SOHLH1: variants seen among roughly 807,000 people sequenced by gnomAD.
The protein encoded by SOHLH1 is spermatogenesis- and oogenesis-specific basic helix-loop-helix-containing protein 1.
In SOHLH1, 23 loss-of-function variants were observed where a neutral mutation model predicts 36.2. That is an observed-to-expected ratio of 0.64 (90% confidence interval 0.46 to 0.90). The LOEUF (loss-of-function observed/expected upper bound fraction) is 0.90. Among genes scored for constraint, SOHLH1 ranks in the 40% least tolerant of loss-of-function variants. The probability of loss-of-function intolerance (pLI) is 0.00; values close to 1 mark genes in which losing one functional copy is unlikely to be tolerated. For synonymous variants in SOHLH1, 289 were observed against 228.3 expected (o/e 1.27, Z -2.40); for missense variants, 608 against 517.0 (o/e 1.18, Z -1.71).
chr9:135,695,033 A>T lies in SOHLH1; in HGVS notation c.875+17T>A, dbSNP rs974113886. On this transcript the variant is annotated intron_variant, in intron 6 of 7. Coordinates refer to ENST00000425225, the MANE Select transcript of SOHLH1 (RefSeq NM_001101677.2). ...CGCTCACGCACACACAGGCGTGCAC[A>T]CCACCTGGGCACTCACCCGGCCTCC... is the stretch of plus-strand genomic sequence containing the variant. 8 of 1,580,758 alleles carry T rather than the reference A, an allele frequency of 5.1e-6. No homozygotes were observed. Among genetic ancestry groups the T allele is most frequent in the Admixed American group, 3.5e-5 (2 of 56,926 alleles).
chr9:135,694,552 C>T (rs904300378), intron 6 of SOHLH1, 95 bp from the exon 7 acceptor site: 137 of 1,520,764 alleles, frequency 9.0e-5, no homozygotes, highest in Middle Eastern at 3.4e-4. Flanking sequence ...AAGGCAGCTT[C>T]GAATGCAAAG....
intron 3 of SOHLH1, 94 bp from the exon 4 acceptor site, chr9:135,697,721 G>C: frequency 1.4e-6 from 2 of 1,480,114 alleles, no homozygotes; most frequent in Admixed American, 1.8e-5. Context: ...GGGCCTGGAG[G>C]GTCACTGTGA....
At chr9:135,695,286 G>A (rs765653767) in intron 5 of SOHLH1, 23 bp from the exon 6 acceptor site, 22 of 1,571,750 alleles carry the variant, frequency 1.4e-5, no homozygotes, top group Admixed American at 1.9e-5. Context: ...TCAGATGCGG[G>A]TCAGCCTTCC....
At position 135,698,428 on chromosome 9, in the gene SOHLH1, C is replaced by A. The variant is rs369775842; in HGVS notation, c.246G>T (p.Gln82His). ...SCERLRALLPQFDGRREDMAS... is the reference protein window; with the variant it reads ...SCERLRALLPHFDGRREDMAS... ...CCATGTCCTCCCGCCGGCCATCGAA[C>A]TGGGGCAGCAGGGCCCGCAGACGCT... Residue 82 changes from glutamine (Q) to histidine (H), a missense_variant, in exon 3 of 8, where the codon CAG becomes CAT. Physicochemically the swap from Gln to His is conservative, Grantham distance 24. Coordinates refer to ENST00000425225, the MANE Select transcript of SOHLH1 (RefSeq NM_001101677.2). The A allele has an allele frequency of 6.2e-7, 1 of 1,613,222 alleles. No homozygotes were observed.
In SOHLH1 at chr9:135,698,995, C is replaced by T; in HGVS notation, c.197G>A (p.Arg66Lys). Residue 66 changes from arginine (R) to lysine (K), a missense_variant and splice_region_variant, in exon 2 of 8, where the codon AGG (arginine) becomes AAG (lysine). Arg to Lys is a conservative substitution (Grantham distance 26). Coordinates refer to ENST00000425225, the MANE Select transcript of SOHLH1 (RefSeq NM_001101677.2). ...ACCCCTGGGAGGCACCACCACTCAC[C>T]TGCGCTCCCTCTCGCTGATCACGTT... Reference protein sequence around the residue: ...RRNVISERERRKRMSLSCERL... With the variant: ...RRNVISERERKKRMSLSCERL... 6.2e-7 allele frequency: 1 copy of T among 1,611,462 alleles called. No individual in the cohort carries two copies. Among genetic ancestry groups the T allele is most frequent in the South Asian group, 1.1e-5 (1 of 91,022 alleles).
chr9:135,697,981 G>A lies in SOHLH1; in HGVS notation c.345+348C>T, dbSNP rs1171018439. The stretch of plus-strand genomic sequence containing the variant: ...GAGAGGGGAGAGGAGCCTCTCTCTT[G>A]GAGACGTGCAGAGAAATGATCTAGG... On this transcript the variant is annotated intron_variant, in intron 3 of 7. Coordinates refer to ENST00000425225, the MANE Select transcript of SOHLH1 (RefSeq NM_001101677.2). Among the ~76,000 whole-genome samples, 7 of 4,850 alleles carry A rather than the reference G, an allele frequency of 1.4e-3. No individual in the cohort carries two copies. In the Admixed American group the frequency reaches 0.028, roughly 20 times the overall value. 3.2% of individuals were successfully genotyped at this position (4,850 alleles called of 152,430 possible). A position where few individuals can be genotyped will look rare whatever the true frequency, so the allele number is the denominator to read the frequency against.
chr9:135,693,967 T>C (rs1489795382), intron 7 of SOHLH1, 153 bp from the exon 8 acceptor site: 14 of 1,431,772 alleles, frequency 9.8e-6, no homozygotes, highest in South Asian at 1.5e-5. Flanking sequence ...GGTGAGCTCA[T>C]ACCTGGTGGC....
upstream of SOHLH1, among the ~76,000 whole-genome samples, chr9:135,700,487 G>T (rs1834992730): frequency 6.6e-6 from 1 of 152,014 alleles, no homozygotes; most frequent in Non-Finnish European, 1.5e-5. Context: ...CCCTGGCCTG[G>T]CTCGTGCTGA....
chr9:135,700,750 G>C (rs966979517), upstream of SOHLH1, among the ~76,000 whole-genome samples: 4 of 152,156 alleles, frequency 2.6e-5, no homozygotes, highest in African/African-American at 7.2e-5. Flanking sequence ...GCCCAGCCTT[G>C]GCTGCAGGTC....
intron 5 of SOHLH1, among the ~76,000 whole-genome samples, chr9:135,696,407 C>T (rs760598993): frequency 1.3e-5 from 2 of 152,156 alleles, no homozygotes; most frequent in African/African-American, 2.4e-5. Flanking sequence ...CCCGAGAGCA[C>T]ACGTCCTCCT....
chr9:135,698,274 G>C (rs1834888003), intron 3 of SOHLH1, 55 bp downstream of exon 3: 1 of 1,608,762 alleles, frequency 6.2e-7, no homozygotes, highest in African/African-American at 1.3e-5. Flanking sequence ...AAGGTGGTGA[G>C]ATGTCCCATC....
rs1169800814 is a variant in SOHLH1 at position 135,697,539 on chromosome 9, G to A, written c.434C>T (p.Pro145Leu). Residue 145 changes from proline to leucine, a missense_variant, in exon 4 of 8, where the codon CCA (proline) becomes CTA (leucine). Transcript: ENST00000425225. ...GCTGGACGCTCCCGTCCCAGGGTCTGGCACACCTGCTTGAATCTGACTCGA... is the reference window on the plus strand; with the variant it reads ...GCTGGACGCTCCCGTCCCAGGGTCTAGCACACCTGCTTGAATCTGACTCGA... Reference protein sequence around the residue: ...TLSSQIQAGVPDPGTGASSGT... With the variant: ...TLSSQIQAGVLDPGTGASSGT... 1 of 1,612,492 alleles carries A rather than the reference G, an allele frequency of 6.2e-7. No homozygotes were observed. Among genetic ancestry groups the A allele is most frequent in the African/African-American group, 1.3e-5 (1 of 75,056 alleles).
chr9:135,699,838 G>C (rs1318660), upstream of SOHLH1, among the ~76,000 whole-genome samples: 2 of 152,100 alleles, frequency 1.3e-5, no homozygotes, highest in Admixed American at 6.5e-5. Context: ...TTGGAGATGC[G>C]GGCTCTGCCC....
At chr9:135,699,216 C>T (rs1834937595) in intron 1 of SOHLH1, 90 bp from the exon 2 acceptor site, 2 of 1,540,248 alleles carry the variant, frequency 1.3e-6, no homozygotes, top group Admixed American at 2.0e-5. Context: ...CTTTGGGGTG[C>T]GGGTGGAAGC....
At chr9:135,700,080 C>T (rs1834980246), upstream of SOHLH1, among the ~76,000 whole-genome samples, 1 of 152,192 alleles carries the variant, frequency 6.6e-6, no homozygotes, top group Non-Finnish European at 1.5e-5. Context: ...CCACCCCAGG[C>T]CACCATCGTC....
chr9:135,698,863 A>C lies in SOHLH1; in HGVS notation c.197+132T>G, dbSNP rs1834915082. 9.4e-6 allele frequency: 12 copies of C among 1,274,938 alleles called. No homozygotes were observed. In the Middle Eastern group the frequency reaches 2.1e-3, roughly 225 times the overall value. 79.0% of individuals were successfully genotyped at this position (1,274,938 alleles called of 1,614,324 possible). A position where few individuals can be genotyped will look rare whatever the true frequency, so the allele number is the denominator to read the frequency against. ...TTTTCTGGTTTACTTGGAGATGTGC[A>C]GTCTGTCCTTCTCCTGGGCACAGGC... On this transcript the variant is annotated intron_variant, in intron 2 of 7. Coordinates refer to ENST00000425225, the MANE Select transcript of SOHLH1 (RefSeq NM_001101677.2).
intron 4 of SOHLH1, 132 bp downstream of exon 4, chr9:135,697,374 G>A (rs1232746301): frequency 2.2e-6 from 3 of 1,337,324 alleles, no homozygotes; most frequent in Non-Finnish European, 3.1e-6. Flanking sequence ...GCAGGGCCCT[G>A]GGCAGGTCAC....
chr9:135,697,640 T>G lies in SOHLH1; in HGVS notation c.346-13A>C, dbSNP rs1012738837. On this transcript the variant is annotated splice_polypyrimidine_tract_variant and intron_variant, in intron 3 of 7. Coordinates refer to ENST00000425225, the MANE Select transcript of SOHLH1 (RefSeq NM_001101677.2). The stretch of plus-strand genomic sequence containing the variant: ...AGGAAGCAAGAATCTGAAATTTAAG[T>G]AAACATGTAAAACAAAGACAGAGAC... The G allele has an allele frequency of 1.9e-6, 3 of 1,608,386 alleles. No homozygotes were observed. The highest frequency in any genetic ancestry group is 3.3e-5 in the Admixed American group (2 of 59,878).
At position 135,696,784 on chromosome 9, in the gene SOHLH1, A is replaced by T; in HGVS notation, c.489T>A (p.Phe163Leu). The T allele has an allele frequency of 6.2e-7, 1 of 1,613,056 alleles. No homozygotes were observed. The highest frequency in any genetic ancestry group is 8.5e-7 in the Non-Finnish European group (1 of 1,180,002). Reference sequence around the variant, plus strand: ...GATCCAGGGACCAAGGACTTTCCAGAAACGCCTTCACATCTGGGGTTCTAG... The same window carrying T: ...GATCCAGGGACCAAGGACTTTCCAGTAACGCCTTCACATCTGGGGTTCTAG... ...SGTRTPDVKAFLESPWSLDPA... is the reference protein window; with the variant it reads ...SGTRTPDVKALLESPWSLDPA... Residue 163 changes from phenylalanine to leucine, a missense_variant, in exon 5 of 8, where the codon TTT becomes TTA. Transcript: ENST00000425225.
Sources: allele counts gnomAD v4.1 joint callset (sites outside exome capture counted in the v4.1 genomes callset), GRCh38; gene constraint gnomAD v4.1.1; transcripts MANE v1.5; gene names NCBI Gene and HGNC (gene_info 2026-07-23, HGNC 2026-07-21).